GPC5: variants seen among roughly 807,000 people sequenced by gnomAD.
GPC5 encodes the protein glypican 5, also known as glypican-5.
Under a neutral mutation model 53.9 loss-of-function variants are expected in GPC5, and 47 were observed. That is an observed-to-expected ratio of 0.87 (90% CI 0.69 to 1.11). GPC5 has a LOEUF of 1.11. Among genes scored for constraint, GPC5 ranks in the 50% most tolerant of loss-of-function variants. The pLI is 0.00. For synonymous variants in GPC5, 286 were observed against 263.3 expected, an observed-to-expected ratio of 1.09 and a Z score of -0.84; for missense variants, 748 against 713.1, an observed-to-expected ratio of 1.05 and a Z score of -0.56.
At chr13:91,573,140 T>C (rs983529210) in intron 2 of GPC5, among the ~76,000 whole-genome samples, 2 of 152,316 alleles carry the variant, frequency 1.3e-5, no homozygotes, top group Non-Finnish European at 2.9e-5. Context: ...GGCAAAGTTT[T>C]ACACAATTCA....
intron 7 of GPC5, among the ~76,000 whole-genome samples, chr13:92,236,501 A>G (rs187059831): frequency 6.6e-6 from 1 of 152,240 alleles, no homozygotes; most frequent in East Asian, 1.9e-4. Context: ...GAAAGGTGAA[A>G]TTGTGGAACT....
At chr13:91,681,517 T>C (rs952702960) in intron 2 of GPC5, among the ~76,000 whole-genome samples, 16 of 152,230 alleles carry the variant, frequency 1.1e-4, no homozygotes, top group African/African-American at 3.6e-4. Context: ...GTATTCCCTA[T>C]AACCTAAATC....
chr13:92,397,379 C>T (rs1875332033), intron 7 of GPC5, among the ~76,000 whole-genome samples: 1 of 152,178 alleles, frequency 6.6e-6, no homozygotes, highest in Admixed American at 6.5e-5. Context: ...TCTCTCTTGC[C>T]CGCCACTGTG....
intron 5 of GPC5, among the ~76,000 whole-genome samples, chr13:91,862,825 A>G (rs1027060220): frequency 6.6e-6 from 1 of 152,186 alleles, no homozygotes; most frequent in African/African-American, 2.4e-5. Context: ...TTTCAGAATC[A>G]TACATTGACT....
In GPC5 at chr13:92,428,216, C is replaced by T. The variant is rs144600918; in HGVS notation, c.1561+283227C>T. Among the ~76,000 whole-genome samples, 3 of 152,268 alleles carry T rather than the reference C, an allele frequency of 2.0e-5. No individual in the cohort carries two copies. In the East Asian group the frequency reaches 5.8e-4, roughly 29 times the overall value. ...CTCTATCAGAATGGATGTGGCTCTG[C>T]TGATGTCATCGTAAGACTCTCCTGT... is the stretch of plus-strand genomic sequence containing the variant. On this transcript the variant is annotated intron_variant, in intron 7 of 7. Transcript: ENST00000377067.
intron 6 of GPC5, among the ~76,000 whole-genome samples, chr13:91,935,614 G>A (rs1292876368): frequency 6.6e-6 from 1 of 151,966 alleles, no homozygotes; most frequent in Non-Finnish European, 1.5e-5. Flanking sequence ...TGAACAGACT[G>A]AGACACATTG....
intron 7 of GPC5, among the ~76,000 whole-genome samples, chr13:92,441,064 T>C (rs972530038): frequency 5.3e-5 from 8 of 152,104 alleles, no homozygotes; most frequent in African/African-American, 1.9e-4. Context: ...TTTAATTAGG[T>C]CTCATTTATC....
intron 7 of GPC5, among the ~76,000 whole-genome samples, chr13:92,145,503 C>G (rs2041860783): frequency 6.7e-6 from 1 of 150,328 alleles, no homozygotes; most frequent in South Asian, 2.1e-4. Context: ...ACTCACTAAA[C>G]ATTGATTTTG....
rs955996002 is a variant in GPC5, at chr13:92,028,580, T to C, written c.1402-116250T>C. Among the ~76,000 whole-genome samples, 9 of 152,210 alleles carry C rather than the reference T, an allele frequency of 5.9e-5. No individual in the cohort carries two copies. In the East Asian group the frequency reaches 1.7e-3, roughly 29 times the overall value. The stretch of plus-strand genomic sequence containing the variant: ...GGTAATTTCACTGAATCATTTATCA[T>C]GTGCTTTATTTGGCTTCGGATTTCA... On this transcript the variant is annotated intron_variant, in intron 6 of 7. Transcript: ENST00000377067.
At chr13:91,647,547 G>GC (rs1350075069) in intron 2 of GPC5, among the ~76,000 whole-genome samples, 2 of 152,180 alleles carry the variant, frequency 1.3e-5, no homozygotes, top group East Asian at 3.8e-4. Context: ...TTTCCGTGCT[G>GC]CCCCCTGTCG....
At chr13:91,613,615 ATATTT>A (rs1313983734) in intron 2 of GPC5, among the ~76,000 whole-genome samples, 1 of 152,218 alleles carries the variant, frequency 6.6e-6, no homozygotes, top group Non-Finnish European at 1.5e-5. Context: ...ATTTTTGGAA[ATATTT>A]TATTACAAAA....
At chr13:92,838,478 G>A (rs1350031751) in intron 7 of GPC5, among the ~76,000 whole-genome samples, 4 of 142,250 alleles carry the variant, frequency 2.8e-5, no homozygotes, top group African/African-American at 8.2e-5. Flanking sequence ...GTGAGACTCC[G>A]CGCCCCCCCC....
At position 92,125,924 on chromosome 13, in the gene GPC5, G is replaced by GTTTTTTTTTTTTTTT. The variant is rs1190169532; in HGVS notation, c.1402-18871_1402-18857dup. The stretch of plus-strand genomic sequence containing the variant: ...TTAGAAAGGAAACATTTGTTTTTTG[G>GTTTTTTTTTTTTTTT]TTTTTTTTTTTTTTTTTTTTTTTTT... On this transcript the variant is annotated intron_variant, in intron 6 of 7. Coordinates refer to ENST00000377067, the MANE Select transcript of GPC5 (RefSeq NM_004466.6). 1.2e-4 allele frequency among the ~76,000 whole-genome samples: 9 copies of GTTTTTTTTTTTTTTT among 75,868 alleles called. 1 individual carries two copies. Among genetic ancestry groups the GTTTTTTTTTTTTTTT allele is most frequent in the African/African-American group, 4.7e-4 (9 of 18,996 alleles). The allele number at this position is 75,868 out of a possible 152,430, so 49.8% of individuals were successfully genotyped here.
At chr13:91,498,118 A>AC (rs551691154) in intron 2 of GPC5, among the ~76,000 whole-genome samples, 2 of 144,140 alleles carry the variant, frequency 1.4e-5, no homozygotes, top group Admixed American at 1.4e-4. Flanking sequence ...AATGCTTTTC[A>AC]CCCCCCTACC....
chr13:91,646,477 A>T (rs1472353438), intron 2 of GPC5, among the ~76,000 whole-genome samples: 1 of 151,872 alleles, frequency 6.6e-6, no homozygotes, highest in African/African-American at 2.4e-5. Flanking sequence ...CTACATTTAG[A>T]TACCTATCCA....
chr13:92,727,175 T>C (rs980816537), intron 7 of GPC5, among the ~76,000 whole-genome samples: 1 of 151,500 alleles, frequency 6.6e-6, no homozygotes, highest in South Asian at 2.1e-4. Flanking sequence ...GCTAAGATAA[T>C]GTAGCTCGGG....
At position 92,017,051 on chromosome 13, in the gene GPC5, ATC is replaced by A. The variant is rs759703490; in HGVS notation, c.1401+108998_1401+108999del. Reference sequence around the variant, plus strand: ...CTGTCGATGCTGGGTGGTGTTGGGAATCTCTACACCAACCCATGAGGTATCCT... The same window carrying A: ...CTGTCGATGCTGGGTGGTGTTGGGAATCTACACCAACCCATGAGGTATCCT... On this transcript the variant is annotated intron_variant, in intron 6 of 7. Coordinates refer to ENST00000377067, the MANE Select transcript of GPC5 (RefSeq NM_004466.6). Among the ~76,000 whole-genome samples the A allele has an allele frequency of 2.0e-4, 31 of 152,176 alleles. No individual in the cohort carries two copies. The Middle Eastern group carries it at 0.017, about 83-fold the overall frequency.
chr13:92,117,711 A>G (rs985339284), intron 6 of GPC5, among the ~76,000 whole-genome samples: 16 of 152,176 alleles, frequency 1.1e-4, no homozygotes, highest in Non-Finnish European at 2.1e-4. Flanking sequence ...GTAAATTCAT[A>G]AACACTTTAT....
chr13:92,549,809 C>G (rs1882244991), intron 7 of GPC5, among the ~76,000 whole-genome samples: 1 of 151,352 alleles, frequency 6.6e-6, no homozygotes, highest in Admixed American at 6.6e-5. Flanking sequence ...TTTTATAAAC[C>G]TCTCTTTTAA....
Sources: allele counts gnomAD v4.1 joint callset (sites outside exome capture counted in the v4.1 genomes callset), GRCh38; gene constraint gnomAD v4.1.1; transcripts MANE v1.5; gene names NCBI Gene and HGNC (gene_info 2026-07-23, HGNC 2026-07-21).